The following NCOA2 variants were observed in gnomAD, a reference collection of about 807,000 sequenced individuals.
NCOA2 encodes class E basic helix-loop-helix protein 75.
A neutral mutation model predicts 145.1 loss-of-function variants in NCOA2; 21 were observed. The ratio of observed to expected loss-of-function variants is 0.14; its 90% CI spans 0.10 to 0.21. The LOEUF (loss-of-function observed/expected upper bound fraction) is 0.21, where lower values mean the gene tolerates loss of function less well. Ranked by LOEUF, NCOA2 falls within the 10% of genes least tolerant of loss-of-function variation. The pLI is 1.00. For missense variants in NCOA2, 1,472 were observed against 1,837.6 expected (o/e 0.80, Z 3.64); for synonymous variants, 619 against 637.5 (o/e 0.97, Z 0.44).
At chr8:70,349,280 TA>T (rs889986670) in intron 1 of NCOA2, among the ~76,000 whole-genome samples, 5 of 151,022 alleles carry the variant, frequency 3.3e-5, no homozygotes, top group Admixed American at 2.6e-4. Flanking sequence ...GCTGTCACAA[TA>T]AAAAAAAATT....
intron 4 of NCOA2, among the ~76,000 whole-genome samples, chr8:70,179,512 G>C (rs1815241913): frequency 6.6e-6 from 1 of 152,122 alleles, no homozygotes; most frequent in Non-Finnish European, 1.5e-5. Flanking sequence ...TCTTGACAGA[G>C]CATTTCAGTA....
chr8:70,403,981 G>C (rs1254615092), upstream of NCOA2, among the ~76,000 whole-genome samples: 1 of 152,130 alleles, frequency 6.6e-6, no homozygotes, highest in Non-Finnish European at 1.5e-5. Flanking sequence ...GGCAGTGGCC[G>C]CCGCCAAGTC....
chr8:70,205,878 T>C (rs1818384908), intron 4 of NCOA2, among the ~76,000 whole-genome samples: 1 of 152,000 alleles, frequency 6.6e-6, no homozygotes, highest in Admixed American at 6.6e-5. Flanking sequence ...TCTTAAGGAG[T>C]ACCTTTAGCA....
At chr8:70,177,766 G>A (rs1033292367) in intron 4 of NCOA2, among the ~76,000 whole-genome samples, 5 of 152,006 alleles carry the variant, frequency 3.3e-5, no homozygotes, top group African/African-American at 4.8e-5. Flanking sequence ...TTAATGTTGC[G>A]GGAGAGAGTG....
chr8:70,114,707 G>A (rs558865784), intron 22 of NCOA2, among the ~76,000 whole-genome samples: 2 of 152,240 alleles, frequency 1.3e-5, no homozygotes, highest in South Asian at 4.1e-4. Flanking sequence ...TCTGCTTTGG[G>A]AACAATTGCT....
At chr8:70,192,999 A>AGT in intron 4 of NCOA2, among the ~76,000 whole-genome samples, 1 of 148,658 alleles carries the variant, frequency 6.7e-6, no homozygotes, top group Non-Finnish European at 1.5e-5. Flanking sequence ...CCTGGGAGGC[A>AGT]GAGGTTGCAG....
chr8:70,318,933 T>C (rs1805830574), intron 1 of NCOA2, among the ~76,000 whole-genome samples: 1 of 152,192 alleles, frequency 6.6e-6, no homozygotes, highest in Admixed American at 6.5e-5. Flanking sequence ...TCTGGAGATA[T>C]TCAGACCTAA....
intron 2 of NCOA2, among the ~76,000 whole-genome samples, chr8:70,241,941 T>C (rs1383352844): frequency 6.6e-6 from 1 of 151,956 alleles, no homozygotes; most frequent in Admixed American, 6.5e-5. Flanking sequence ...TTAATAAGCA[T>C]ATGTAAAAAT....
intron 12 of NCOA2, among the ~76,000 whole-genome samples, chr8:70,147,008 A>T (rs1811141269): frequency 6.6e-6 from 1 of 151,938 alleles, no homozygotes; most frequent in Non-Finnish European, 1.5e-5. Flanking sequence ...TGTGTTTCTT[A>T]CCCAATTCTC....
intron 1 of NCOA2, among the ~76,000 whole-genome samples, chr8:70,330,093 CT>C (rs938924059): frequency 6.6e-6 from 1 of 152,054 alleles, no homozygotes. Context: ...ACTGCCTTAC[CT>C]CCATTAAGTT....
chr8:70,351,633 G>T, intron 1 of NCOA2, among the ~76,000 whole-genome samples: 1 of 148,122 alleles, frequency 6.8e-6, no homozygotes, highest in African/African-American at 2.5e-5. Flanking sequence ...TGTCACCCAG[G>T]CTGAAGTACA....
intron 1 of NCOA2, among the ~76,000 whole-genome samples, chr8:70,344,332 A>G (rs888055031): frequency 6.6e-6 from 1 of 152,220 alleles, no homozygotes. Context: ...GAAGATAGAC[A>G]TGGGTAAGGA....
the NCOA2 span, among the ~76,000 whole-genome samples, chr8:70,429,321 A>G: frequency 2.0e-5 from 3 of 152,210 alleles, no homozygotes; most frequent in African/African-American, 7.2e-5. Context: ...GGAGGCTGAA[A>G]GCATCCACAA....
rs372574771 is a variant in NCOA2 at position 70,281,355 on chromosome 8, CAAAAAAAAA to C, written c.-20+15380_-20+15388del. Among the ~76,000 whole-genome samples the C allele has an allele frequency of 8.9e-3, 542 of 61,026 alleles. 5 individuals carry two copies. The highest frequency in any genetic ancestry group is 0.026 in the African/African-American group (465 of 17,868). 40.0% of individuals were successfully genotyped at this position (61,026 alleles called of 152,430 possible). ...TGGGTGACAGAGCGAGACCCTGTCT[CAAAAAAAAA>C]AAAAAAAAAAAAAAAAAGGAAAAAA... On this transcript the variant is annotated intron_variant, in intron 2 of 22. Coordinates refer to ENST00000452400, the MANE Select transcript of NCOA2 (RefSeq NM_006540.4).
At chr8:70,217,287 C>T (rs1225587267) in intron 2 of NCOA2, among the ~76,000 whole-genome samples, 2 of 152,202 alleles carry the variant, frequency 1.3e-5, no homozygotes, top group Non-Finnish European at 2.9e-5. Flanking sequence ...ACCCCTGTAG[C>T]CCCGAGTTCC....
intron 12 of NCOA2, among the ~76,000 whole-genome samples, chr8:70,145,366 C>T (rs1471711331): frequency 6.6e-6 from 1 of 150,886 alleles, no homozygotes; most frequent in African/African-American, 2.4e-5. Context: ...CGCTCTGTTG[C>T]GAGGCTGGAG....
At chr8:70,311,164 T>G (rs1460291893) in intron 1 of NCOA2, among the ~76,000 whole-genome samples, 1 of 150,774 alleles carries the variant, frequency 6.6e-6, no homozygotes, top group Non-Finnish European at 1.5e-5. Flanking sequence ...ATCCTATTTT[T>G]TTATCCCAGT....
chr8:70,267,847 T>A (rs797003049), intron 2 of NCOA2, among the ~76,000 whole-genome samples: 7 of 152,324 alleles, frequency 4.6e-5, no homozygotes, highest in African/African-American at 1.7e-4. Flanking sequence ...AAAGCACCAA[T>A]GAAAATGGGA....
rs751149768 is a variant in NCOA2, at chr8:70,148,421, T to A, written c.2457A>T (p.Pro819=). 10 of 1,613,888 alleles carry A rather than the reference T, an allele frequency of 6.2e-6. No individual in the cohort carries two copies. The highest frequency in any genetic ancestry group is 8.5e-6 in the Non-Finnish European group (10 of 1,179,884). The change falls in exon 12 of 23, where the codon CCA becomes CCT. Residue 819 remains proline (P), a synonymous_variant. Transcript: ENST00000452400. ...CTGGCCTCGTGTCTGGGAAAAGCTGTGGTAATTGACTATTCTGCAAATCAT... is the reference window on the plus strand; with the variant it reads ...CTGGCCTCGTGTCTGGGAAAAGCTGAGGTAATTGACTATTCTGCAAATCAT... ...ILDDLQNSQL[P]QLFPDTRPGA... is the part of the protein sequence containing the mutation.
Sources: allele counts gnomAD v4.1 joint callset (sites outside exome capture counted in the v4.1 genomes callset), GRCh38; gene constraint gnomAD v4.1.1; transcripts MANE v1.5; gene names NCBI Gene and HGNC (gene_info 2026-07-23, HGNC 2026-07-21).